The following SOWAHB variants were observed in gnomAD, a reference collection of about 807,000 sequenced individuals.
The protein encoded by SOWAHB is ankyrin repeat domain-containing protein SOWAHB.
SOWAHB carries 17 observed loss-of-function variants against 18.3 expected under a neutral mutation model. The observed-to-expected ratio is 0.93, with a 90% CI of 0.64 to 1.40. The LOEUF is 1.40. Among genes scored for constraint, SOWAHB ranks in the 40% most tolerant of loss-of-function variants. SOWAHB has a pLI of 0.00. For synonymous variants in SOWAHB, 496 were observed against 448.1 expected (o/e 1.11, Z -1.35); for missense variants, 1,126 against 1,033.7 (o/e 1.09, Z -1.22).
rs144460775 is a variant in SOWAHB at position 76,894,550 on chromosome 4, C to T, written c.*918G>A. ...TGCATTCTCTTAACCCTTACTGTTT[C>T]CCCAGAGTGAAATCATTTCTCTCTT... On this transcript the variant is annotated 3_prime_UTR_variant, in exon 1 of 1. Transcript: ENST00000334306. Among the ~76,000 whole-genome samples, 1 of 152,202 alleles carries T rather than the reference C, an allele frequency of 6.6e-6. No homozygotes were observed.
Position 76,896,683 on chromosome 4 carries a change from C to G in SOWAHB, c.1167G>C (p.Leu389=), listed in dbSNP as rs1247359198. The G allele has an allele frequency of 1.9e-6, 3 of 1,614,072 alleles. No homozygotes were observed. The highest frequency in any genetic ancestry group is 1.7e-5 in the Admixed American group (1 of 60,032). ...CAAAGTCATCCAGATCTTGGAGGGA[C>G]AGCTGACAACGAATGCTGCGAAAGA... ...LTVFRSIRCQ[L]SLQDLDDFVD... Residue 389 remains leucine (L), a synonymous_variant, in exon 1 of 1, where the codon CTG becomes CTC. Coordinates refer to ENST00000334306, the MANE Select transcript of SOWAHB (RefSeq NM_001029870.3).
rs758326869 is a variant in SOWAHB, at chr4:76,896,308, G to GTACT, written c.1538_1541dup (p.Tyr514Ter). 6.2e-7 allele frequency: 1 copy of GTACT among 1,608,830 alleles called. No individual in the cohort carries two copies. The highest frequency in any genetic ancestry group is 2.2e-5 in the East Asian group (1 of 44,680). On this transcript the variant is annotated stop_gained and frameshift_variant, in exon 1 of 1. Coordinates refer to ENST00000334306, the MANE Select transcript of SOWAHB (RefSeq NM_001029870.3). LOFTEE classifies it low-confidence loss of function (END_TRUNC). ...TTCTTTTCAGCAAGCCCTCATCGAG[G>GTACT]TACTCCTCATCAGAGGAGGACAATT...
chr4:76,895,794 T>C lies in SOWAHB; in HGVS notation c.2056A>G (p.Ile686Val), dbSNP rs1478772351. The C allele has an allele frequency of 6.2e-7, 1 of 1,614,262 alleles. No individual in the cohort carries two copies. The highest frequency in any genetic ancestry group is 8.5e-7 in the Non-Finnish European group (1 of 1,180,040). The part of the protein sequence containing the change: ...LAAIHGHQGV[I>V]KLLVQRLASR... ...GCCAACCTTTGCACTAGCAATTTGATGACCCCCTGGTGGCCGTGAATGGCT... is the reference window on the plus strand; with the variant it reads ...GCCAACCTTTGCACTAGCAATTTGACGACCCCCTGGTGGCCGTGAATGGCT... The change falls in exon 1 of 1, where the codon ATC becomes GTC. Residue 686 changes from isoleucine (I) to valine (V), a missense_variant. Ile to Val is a conservative substitution (Grantham distance 29, BLOSUM62 3). Coordinates refer to ENST00000334306, the MANE Select transcript of SOWAHB (RefSeq NM_001029870.3).
At position 76,895,423 on chromosome 4, in the gene SOWAHB, C is replaced by A. The variant is rs1719885539; in HGVS notation, c.*45G>T. 6 of 1,505,746 alleles carry A rather than the reference C, an allele frequency of 4.0e-6. No individual in the cohort carries two copies. The highest frequency in any genetic ancestry group is 5.4e-6 in the Non-Finnish European group (6 of 1,116,992). The allele number at this position is 1,505,746 out of a possible 1,614,324, so 93.3% of individuals were successfully genotyped here. A position where few individuals can be genotyped will look rare whatever the true frequency, so the allele number is the denominator to read the frequency against. On this transcript the variant is annotated 3_prime_UTR_variant, in exon 1 of 1. Coordinates refer to ENST00000334306, the MANE Select transcript of SOWAHB (RefSeq NM_001029870.3). Reference sequence around the variant, plus strand: ...ATTCCCCCTGAATTCTCTCACTGAGCAGGATGAGGGAGTGCTGCCTGCATG... The same window carrying A: ...ATTCCCCCTGAATTCTCTCACTGAGAAGGATGAGGGAGTGCTGCCTGCATG...
In SOWAHB at chr4:76,895,474, A is replaced by G. The variant is rs111761010; in HGVS notation, c.2376T>C (p.Ser792=). 5.3e-5 allele frequency: 84 copies of G among 1,595,440 alleles called. No individual in the cohort carries two copies. Among genetic ancestry groups the G allele is most frequent in the Non-Finnish European group, 6.8e-5 (80 of 1,170,358 alleles). ...TTGGACAGAGAGACCCACCTCAGTC[A>G]CTATACTCTTCTCTTTCCCTTGGAC... The part of the protein sequence containing the change: ...FHSPREREEY[S]D Residue 792 remains serine, a synonymous_variant, in exon 1 of 1, where the codon AGT becomes AGC. Transcript: ENST00000334306.
Position 76,896,128 on chromosome 4 carries a change from C to G in SOWAHB, c.1722G>C (p.Gly574=). Residue 574 remains glycine, a synonymous_variant, in exon 1 of 1, where the codon GGG becomes GGC. Coordinates refer to ENST00000334306, the MANE Select transcript of SOWAHB (RefSeq NM_001029870.3). The part of the protein sequence containing the change: ...RHSLWVPSGE[G]SAALAPHRTS... ...TTCTGTGGGGGGCCAAGGCTGCAGA[C>G]CCCTCCCCACTGGGGACCCACAGGC... The G allele has an allele frequency of 6.4e-7, 1 of 1,570,172 alleles. No individual in the cohort carries two copies. The highest frequency in any genetic ancestry group is 1.2e-5 in the South Asian group (1 of 82,810).
rs1182291990 is a variant in SOWAHB at position 76,896,386 on chromosome 4, T to C, written c.1464A>G (p.Pro488=). 1 of 1,596,412 alleles carries C rather than the reference T, an allele frequency of 6.3e-7. No homozygotes were observed. The highest frequency in any genetic ancestry group is 1.3e-5 in the African/African-American group (1 of 74,254). The part of the protein sequence containing the change: ...AGHPLKPLPW[P]VPKLRRSLRR... ...TGAGGGACCTCCTTAACTTAGGAAC[T>C]GGCCAAGGCAAAGGCTTCAGGGGGT... Residue 488 remains proline (P), a synonymous_variant, in exon 1 of 1, where the codon CCA becomes CCG. Transcript: ENST00000334306.
chr4:76,895,925 C>G lies in SOWAHB; in HGVS notation c.1925G>C (p.Gly642Ala). 1.2e-6 allele frequency: 2 copies of G among 1,614,160 alleles called. No homozygotes were observed. The highest frequency in any genetic ancestry group is 3.3e-4 in the Middle Eastern group (2 of 6,062). Residue 642 changes from glycine (G) to alanine (A), a missense_variant, in exon 1 of 1, where the codon GGT (glycine) becomes GCT (alanine). By Grantham distance (60) the Gly-to-Ala change is moderately conservative. Transcript: ENST00000334306. ...YTALHWIAKH[G>A]DLRALQDLVS... is the part of the protein sequence containing the mutation. The stretch of plus-strand genomic sequence containing the variant: ...CAAGTCCTGAAGGGCCCTGAGGTCA[C>G]CATGTTTGGCTATCCAGTGCAACGC...
Position 76,897,465 on chromosome 4 carries a change from G to A in SOWAHB, c.385C>T (p.Pro129Ser). 1 of 1,492,720 alleles carries A rather than the reference G, an allele frequency of 6.7e-7. No homozygotes were observed. The highest frequency in any genetic ancestry group is 8.9e-7 in the Non-Finnish European group (1 of 1,128,636). The allele number at this position is 1,492,720 out of a possible 1,614,324, so 92.5% of individuals were successfully genotyped here. A position where few individuals can be genotyped will look rare whatever the true frequency, so the allele number is the denominator to read the frequency against. ...GCTGCACCTGCTGGCTCCTCCTCCG[G>A]CTCCTTCTCGCGCCGCCGCCGCCTG... ...QPRRRRREKEPEEEPAGAAAR... is the reference protein window; with the variant it reads ...QPRRRRREKESEEEPAGAAAR... Residue 129 changes from proline (P) to serine (S), a missense_variant, in exon 1 of 1, where the codon CCG becomes TCG. By Grantham distance (74) the Pro-to-Ser change is moderately conservative. Transcript: ENST00000334306. This position sits in a 1 kb window ranked among gnomAD's most constrained non-coding sequence, Gnocchi z 6.4.
chr4:76,896,926 C>G lies in SOWAHB; in HGVS notation c.924G>C (p.Glu308Asp). The G allele has an allele frequency of 6.2e-7, 1 of 1,610,786 alleles. No homozygotes were observed. Among genetic ancestry groups the G allele is most frequent in the Non-Finnish European group, 8.5e-7 (1 of 1,178,862 alleles). Reference sequence around the variant, plus strand: ...GCACCTGCGGGTGCCTGGCCACCCACTCTCGAGTGCGCTGCTGCTGCTGCT... The same window carrying G: ...GCACCTGCGGGTGCCTGGCCACCCAGTCTCGAGTGCGCTGCTGCTGCTGCT... The part of the protein sequence containing the change: ...TLQQQQQRTR[E>D]WVARHPQVPE... Residue 308 changes from glutamate to aspartate, a missense_variant, in exon 1 of 1, where the codon GAG (glutamate) becomes GAC (aspartate). Transcript: ENST00000334306.
At position 76,895,575 on chromosome 4, in the gene SOWAHB, T is replaced by A; in HGVS notation, c.2275A>T (p.Lys759Ter). 6.2e-7 allele frequency: 1 copy of A among 1,614,232 alleles called. No individual in the cohort carries two copies. The highest frequency in any genetic ancestry group is 2.2e-5 in the East Asian group (1 of 44,890). ...SKEISRSVTR[K>*]TSFAALLKSQ... ...TTGAGTAGTGCAGCGAAGGAAGTTTTTCGGGTGACACTTCTAGATATTTCC... is the reference window on the plus strand; with the variant it reads ...TTGAGTAGTGCAGCGAAGGAAGTTTATCGGGTGACACTTCTAGATATTTCC... The change falls in exon 1 of 1, where the codon AAA becomes TAA. Residue 759 changes from lysine (K) to a stop codon, truncating the protein, a stop_gained. Coordinates refer to ENST00000334306, the MANE Select transcript of SOWAHB (RefSeq NM_001029870.3). LOFTEE classifies it high-confidence loss of function.
chr4:76,897,395 T>C lies in SOWAHB; in HGVS notation c.455A>G (p.Asp152Gly), dbSNP rs2703129. The C allele has an allele frequency of 0.3, 452,336 of 1,523,550 alleles. 68,913 individuals are homozygous for C. The highest frequency in any genetic ancestry group is 0.45 in the African/African-American group (31,585 of 70,104). 94.4% of individuals were successfully genotyped at this position (1,523,550 alleles called of 1,614,324 possible). A position where few individuals can be genotyped will look rare whatever the true frequency, so the allele number is the denominator to read the frequency against. The change falls in exon 1 of 1, where the codon GAC becomes GGC. Residue 152 changes from aspartate to glycine, a missense_variant. By Grantham distance (94) the Asp-to-Gly change is moderately conservative. Coordinates refer to ENST00000334306, the MANE Select transcript of SOWAHB (RefSeq NM_001029870.3). This position sits in a 1 kb window ranked among gnomAD's most constrained non-coding sequence, Gnocchi z 6.4. ...GCCCTTCCCGGGCGCCCTACGGGAG[T>C]CGCTGCCCGGGAGTCCATTGCAAGC... ...DAACNGLPGS[D>G]SRRAPGKGGG...
rs1463075258 is a variant in SOWAHB, at chr4:76,897,089, G to T, written c.761C>A (p.Ala254Glu). 2 of 1,537,328 alleles carry T rather than the reference G, an allele frequency of 1.3e-6. No individual in the cohort carries two copies. The highest frequency in any genetic ancestry group is 2.7e-5 in the African/African-American group (2 of 73,238). ...GGTGGCGGGAGGCGAGTGAGCCACTGCAGGCACAGGCGCCGGCTCAGCTAG... is the reference window on the plus strand; with the variant it reads ...GGTGGCGGGAGGCGAGTGAGCCACTTCAGGCACAGGCGCCGGCTCAGCTAG... ...GALAEPAPVP[A>E]VAHSPPATVE... The change falls in exon 1 of 1, where the codon GCA (alanine) becomes GAA (glutamate). Residue 254 changes from alanine (A) to glutamate (E), a missense_variant. Physicochemically the swap from Ala to Glu is moderately radical, Grantham distance 107 (BLOSUM62 -1). Transcript: ENST00000334306. The surrounding 1 kb of genome is among the most constrained non-coding windows in gnomAD (Gnocchi z 6.4).
rs1719959586 is a variant in SOWAHB at position 76,897,491 on chromosome 4, G to T, written c.359C>A (p.Pro120His). 2.7e-6 allele frequency: 4 copies of T among 1,471,790 alleles called. No individual in the cohort carries two copies. Among genetic ancestry groups the T allele is most frequent in the Non-Finnish European group, 3.6e-6 (4 of 1,119,182 alleles). The allele number at this position is 1,471,790 out of a possible 1,614,324, so 91.2% of individuals were successfully genotyped here. The part of the protein sequence containing the change: ...ARRGEPPQQQ[P>H]RRRRREKEPE... ...CTCCTTCTCGCGCCGCCGCCGCCTG[G>T]GCTGCTGCTGGGGCGGCTCCCCCCG... The change falls in exon 1 of 1, where the codon CCC (proline) becomes CAC (histidine). Residue 120 changes from proline to histidine, a missense_variant. Physicochemically the swap from Pro to His is moderately conservative, Grantham distance 77 (BLOSUM62 -2). Coordinates refer to ENST00000334306, the MANE Select transcript of SOWAHB (RefSeq NM_001029870.3). This position sits in a 1 kb window ranked among gnomAD's most constrained non-coding sequence, Gnocchi z 6.4.
rs1487542647 is a variant in SOWAHB at position 76,897,503 on chromosome 4, G to A, written c.347C>T (p.Pro116Leu). The A allele has an allele frequency of 1.4e-6, 2 of 1,443,962 alleles. No individual in the cohort carries two copies. Among genetic ancestry groups the A allele is most frequent in the Non-Finnish European group, 1.8e-6 (2 of 1,107,704 alleles). The allele number at this position is 1,443,962 out of a possible 1,614,324, so 89.4% of individuals were successfully genotyped here. ...SPRGARRGEPPQQQPRRRRRE... is the reference protein window; with the variant it reads ...SPRGARRGEPLQQQPRRRRRE... ...CCGCCGCCGCCTGGGCTGCTGCTGG[G>A]GCGGCTCCCCCCGGCGCGCGCCTCG... The change falls in exon 1 of 1, where the codon CCC becomes CTC. Residue 116 changes from proline to leucine, a missense_variant. By Grantham distance (98) the Pro-to-Leu change is moderately conservative. Coordinates refer to ENST00000334306, the MANE Select transcript of SOWAHB (RefSeq NM_001029870.3). The surrounding 1 kb of genome is among the most constrained non-coding windows in gnomAD (Gnocchi z 6.4).
In SOWAHB at chr4:76,896,699, C is replaced by T. The variant is rs1719923458; in HGVS notation, c.1151G>A (p.Ser384Asn). ...AGNPSLTVFRSIRCQLSLQDL... is the reference protein window; with the variant it reads ...AGNPSLTVFRNIRCQLSLQDL... ...TTGGAGGGACAGCTGACAACGAATG[C>T]TGCGAAAGACAGTCAATGAAGGGTT... Residue 384 changes from serine to asparagine, a missense_variant, in exon 1 of 1, where the codon AGC becomes AAC. Transcript: ENST00000334306. 3 of 1,614,018 alleles carry T rather than the reference C, an allele frequency of 1.9e-6. No individual in the cohort carries two copies. The highest frequency in any genetic ancestry group is 2.2e-5 in the East Asian group (1 of 44,884).
Position 76,895,790 on chromosome 4 carries a change from T to G in SOWAHB, c.2060A>C (p.Lys687Thr). 6.2e-7 allele frequency: 1 copy of G among 1,614,246 alleles called. No individual in the cohort carries two copies. The highest frequency in any genetic ancestry group is 8.5e-7 in the Non-Finnish European group (1 of 1,180,046). Residue 687 changes from lysine (K) to threonine (T), a missense_variant, in exon 1 of 1, where the codon AAA (lysine) becomes ACA (threonine). By Grantham distance (78) the Lys-to-Thr change is moderately conservative (BLOSUM62 -1). Transcript: ENST00000334306. ...AAIHGHQGVI[K>T]LLVQRLASRV... ...AGAAGCCAACCTTTGCACTAGCAATTTGATGACCCCCTGGTGGCCGTGAAT... is the reference window on the plus strand; with the variant it reads ...AGAAGCCAACCTTTGCACTAGCAATGTGATGACCCCCTGGTGGCCGTGAAT...
Position 76,897,037 on chromosome 4 carries a change from G to A in SOWAHB, c.813C>T (p.Ser271=), listed in dbSNP as rs1719936680. 1 of 1,547,462 alleles carries A rather than the reference G, an allele frequency of 6.5e-7. No homozygotes were observed. Among genetic ancestry groups the A allele is most frequent in the Non-Finnish European group, 8.7e-7 (1 of 1,153,056 alleles). The change falls in exon 1 of 1, where the codon TCC becomes TCT. Residue 271 remains serine, a synonymous_variant. Coordinates refer to ENST00000334306, the MANE Select transcript of SOWAHB (RefSeq NM_001029870.3). This position sits in a 1 kb window ranked among gnomAD's most constrained non-coding sequence, Gnocchi z 6.4. ...ATVEAATSRA[S]PPALLPGPAP... ...CGGGGCCGGGCAGGAGAGCAGGCGG[G>A]GAAGCCCTGCTTGTCGCAGCCTCGA...
chr4:76,895,498 A>G lies in SOWAHB; in HGVS notation c.2352T>C (p.Ser784=). ...CACTATACTCTTCTCTTTCCCTTGG[A>G]CTGTGGAATTTCTCATACTGGTTGG... ...KLANQYEKFH[S]PREREEYSD Residue 784 remains serine (S), a synonymous_variant, in exon 1 of 1, where the codon AGT becomes AGC. Transcript: ENST00000334306. The G allele has an allele frequency of 6.2e-7, 1 of 1,611,842 alleles. No individual in the cohort carries two copies. Among genetic ancestry groups the G allele is most frequent in the Non-Finnish European group, 8.5e-7 (1 of 1,178,990 alleles).
Sources: allele counts gnomAD v4.1 joint callset (sites outside exome capture counted in the v4.1 genomes callset), GRCh38; gene constraint gnomAD v4.1.1; non-coding constraint Gnocchi (gnomAD v3.1); transcripts MANE v1.5; gene names NCBI Gene and HGNC (gene_info 2026-07-23, HGNC 2026-07-21).